The following RANBP2 variants were observed in gnomAD, a reference collection of about 807,000 sequenced individuals.
RANBP2 encodes the protein RAN binding protein 2, also known as E3 SUMO-protein ligase RanBP2.
Under a neutral mutation model 303.6 loss-of-function variants are expected in RANBP2, and 57 were observed. The observed-to-expected ratio is 0.19, with a 90% CI of 0.15 to 0.23. The LOEUF is 0.23. Ranked by LOEUF, RANBP2 falls within the 10% of genes least tolerant of loss-of-function variation. The pLI, the probability that RANBP2 is intolerant of heterozygous loss-of-function variation, is 1.00. For missense variants in RANBP2, 3,138 were observed against 3,780.8 expected (o/e 0.83, Z 4.46); for synonymous variants, 1,167 against 1,301.5 (o/e 0.90, Z 2.23).
chr2:108,774,011 T>C (rs1230138923), intron 23 of RANBP2, among the ~76,000 whole-genome samples: 1 of 152,208 alleles, frequency 6.6e-6, no homozygotes, highest in Non-Finnish European at 1.5e-5. Flanking sequence ...AGATTGTATA[T>C]TTGTTACAGT....
chr2:109,564,505 T>G, the RANBP2 span: 2 of 1,551,844 alleles, frequency 1.3e-6, no homozygotes, highest in Non-Finnish European at 1.8e-6. Flanking sequence ...TCCCGCAGCT[T>G]TACAAAGTCA....
At chr2:109,673,882 TC>T in the RANBP2 span, among the ~76,000 whole-genome samples, 2 of 152,146 alleles carry the variant, frequency 1.3e-5, no homozygotes, top group Non-Finnish European at 2.9e-5. Flanking sequence ...TCAGGTTTTT[TC>T]CCCCTTCATT....
At chr2:109,225,365 C>T in the RANBP2 span, among the ~76,000 whole-genome samples, 24,633 of 152,196 alleles carry the variant, frequency 0.16, 3,938 homozygotes, top group African/African-American at 0.4. Context: ...TGTGGGTTTC[C>T]GGGCTCCGCT....
the RANBP2 span, among the ~76,000 whole-genome samples, chr2:109,061,745 A>C: frequency 2.0e-5 from 3 of 152,206 alleles, no homozygotes; most frequent in African/African-American, 7.2e-5. Flanking sequence ...ATTAAAAAGT[A>C]GTCAATCCAT....
rs1677106537 is a variant in RANBP2 at position 108,766,196 on chromosome 2, A to G, written c.5657A>G (p.Lys1886Arg). The change falls in exon 20 of 29, where the codon AAA (lysine) becomes AGA (arginine). Residue 1886 changes from lysine (K) to arginine (R), a missense_variant. This residue lies in a region of RANBP2 where 348 missense variants were observed against 360.4 expected (regional missense o/e 0.97). Coordinates refer to ENST00000283195, the MANE Select transcript of RANBP2 (RefSeq NM_006267.5). ...GSSNTEFKSTKEGFSIPVSAD... is the reference protein window; with the variant it reads ...GSSNTEFKSTREGFSIPVSAD... ...TCTAATACAGAATTTAAGTCAACCA[A>G]AGAAGGATTTTCCATCCCTGTGTCT... 6 of 1,612,130 alleles carry G rather than the reference A, an allele frequency of 3.7e-6. No individual in the cohort carries two copies. The East Asian group carries it at 6.7e-5, about 18-fold the overall frequency.
the RANBP2 span, among the ~76,000 whole-genome samples, chr2:109,320,188 G>A: frequency 3.9e-5 from 6 of 152,152 alleles, no homozygotes; most frequent in African/African-American, 2.4e-5. Flanking sequence ...CACAGCCCTC[G>A]GCTTGCCTCT....
the RANBP2 span, among the ~76,000 whole-genome samples, chr2:109,209,604 C>T: frequency 1.3e-5 from 2 of 152,120 alleles, no homozygotes; most frequent in African/African-American, 4.8e-5. Flanking sequence ...CCTATCCACT[C>T]CCTGCTGTGT....
At chr2:109,006,748 A>C in the RANBP2 span, among the ~76,000 whole-genome samples, 1 of 152,162 alleles carries the variant, frequency 6.6e-6, no homozygotes. Flanking sequence ...CCTGGCTGGA[A>C]GGTATTTTCT....
Position 108,765,164 on chromosome 2 carries a change from A to G in RANBP2, c.4625A>G (p.Lys1542Arg), listed in dbSNP as rs1251227744. 1 of 1,614,044 alleles carries G rather than the reference A, an allele frequency of 6.2e-7. No homozygotes were observed. Among genetic ancestry groups the G allele is most frequent in the Non-Finnish European group, 8.5e-7 (1 of 1,179,956 alleles). ...AGTGGATTTGAAGACATGTTTGCTAAGAAGGAAGGACAGTGGGATTGCAGT... is the reference window on the plus strand; with the variant it reads ...AGTGGATTTGAAGACATGTTTGCTAGGAAGGAAGGACAGTGGGATTGCAGT... ...LKSGFEDMFAKKEGQWDCSSC... is the reference protein window; with the variant it reads ...LKSGFEDMFARKEGQWDCSSC... The change falls in exon 20 of 29, where the codon AAG becomes AGG. Residue 1542 changes from lysine to arginine, a missense_variant. Physicochemically the swap from Lys to Arg is conservative, Grantham distance 26 (BLOSUM62 2). Coordinates refer to ENST00000283195, the MANE Select transcript of RANBP2 (RefSeq NM_006267.5).
the RANBP2 span, among the ~76,000 whole-genome samples, chr2:109,456,117 G>A: frequency 3.6e-4 from 55 of 152,286 alleles, no homozygotes; most frequent in South Asian, 9.5e-3. Context: ...CAGGTCTGCC[G>A]CACAGCAAAG....
chr2:108,816,230 C>A, the RANBP2 span: 5 of 659,814 alleles, frequency 7.6e-6, no homozygotes, highest in African/African-American at 7.5e-5. Context: ...CTGGGCAGAT[C>A]ACCTGAGGTC....
At chr2:108,830,217 A>G in the RANBP2 span, among the ~76,000 whole-genome samples, 3 of 152,196 alleles carry the variant, frequency 2.0e-5, no homozygotes, top group African/African-American at 7.2e-5. Context: ...AGTCAAATTT[A>G]TAGAGACAAA....
chr2:109,569,817 G>A, the RANBP2 span, among the ~76,000 whole-genome samples: 1 of 151,576 alleles, frequency 6.6e-6, no homozygotes, highest in Non-Finnish European at 1.5e-5. Flanking sequence ...AACAGATATT[G>A]CCCAAAGAGG....
At chr2:108,971,079 CACT>C in the RANBP2 span, among the ~76,000 whole-genome samples, 1 of 152,084 alleles carries the variant, frequency 6.6e-6, no homozygotes, top group South Asian at 2.1e-4. Flanking sequence ...AGACCGTGCT[CACT>C]GGGGGATTCT....
At chr2:108,804,849 T>C in the RANBP2 span, 3 of 1,468,290 alleles carry the variant, frequency 2.0e-6, no homozygotes, top group Non-Finnish European at 2.7e-6. Flanking sequence ...TATACAGTCC[T>C]TACAAGTTTT....
At chr2:108,877,196 G>A in the RANBP2 span, among the ~76,000 whole-genome samples, 2 of 152,122 alleles carry the variant, frequency 1.3e-5, no homozygotes, top group Admixed American at 6.6e-5. Context: ...GGCCAGGCGC[G>A]GTGGCTTACG....
chr2:109,112,895 T>C, the RANBP2 span, among the ~76,000 whole-genome samples: 1 of 152,164 alleles, frequency 6.6e-6, no homozygotes, highest in African/African-American at 2.4e-5. Context: ...TAGGGAATCC[T>C]TTCCCCATTG....
the RANBP2 span, among the ~76,000 whole-genome samples, chr2:109,414,403 A>G: frequency 2.6e-5 from 4 of 152,072 alleles, no homozygotes; most frequent in Non-Finnish European, 4.4e-5. Context: ...CTATTGATTC[A>G]GGTTTCATCT....
chr2:108,734,866 C>T (rs1479025824), intron 4 of RANBP2, among the ~76,000 whole-genome samples: 1 of 151,446 alleles, frequency 6.6e-6, no homozygotes, highest in Non-Finnish European at 1.5e-5. Context: ...TCAGCCTGGG[C>T]AACACAGCAA....
Sources: allele counts gnomAD v4.1 joint callset (sites outside exome capture counted in the v4.1 genomes callset), GRCh38; gene constraint gnomAD v4.1.1; regional missense constraint gnomAD v4.1.1; transcripts MANE v1.5; gene names NCBI Gene and HGNC (gene_info 2026-07-23, HGNC 2026-07-21).